The following DTNA variants were observed in gnomAD, a reference collection of about 807,000 sequenced individuals.
The protein encoded by DTNA is dystrophin-related protein 3.
A neutral mutation model predicts 100.7 loss-of-function variants in DTNA; 43 were observed. The observed-to-expected ratio is 0.43, with a 90% CI of 0.33 to 0.55. The LOEUF (loss-of-function observed/expected upper bound fraction) is 0.55, where lower values mean the gene tolerates loss of function less well. Among genes scored for constraint, DTNA ranks in the 20% least tolerant of loss-of-function variants. The pLI is 0.04. For synonymous variants in DTNA, 349 were observed against 347.9 expected (o/e 1.00, Z -0.04); for missense variants, 798 against 953.9 (o/e 0.84, Z 2.15).
intron 16 of DTNA, 62 bp downstream of exon 16, chr18:34,858,460 T>C (rs2096578325): frequency 1.9e-6 from 3 of 1,541,174 alleles, no homozygotes; most frequent in Non-Finnish European, 2.7e-6. Flanking sequence ...TGAGAAAGTC[T>C]AGCAGTGTCT....
chr18:34,848,659 G>A (rs551767666), intron 14 of DTNA, among the ~76,000 whole-genome samples: 82 of 152,188 alleles, frequency 5.4e-4, no homozygotes, highest in African/African-American at 1.9e-3. Flanking sequence ...CCCATATGAA[G>A]TCCCAAGGAA....
At chr18:34,671,330 C>G (rs1167352203) in intron 1 of DTNA, among the ~76,000 whole-genome samples, 1 of 152,162 alleles carries the variant, frequency 6.6e-6, no homozygotes, top group East Asian at 1.9e-4. Context: ...CTGTCTGTCA[C>G]AGATTTGCTT....
chr18:34,566,412 A>G (rs2047091131), intron 1 of DTNA, among the ~76,000 whole-genome samples: 1 of 152,256 alleles, frequency 6.6e-6, no homozygotes, highest in Non-Finnish European at 1.5e-5. Flanking sequence ...AAAATGGTAG[A>G]AAGTTTGACA....
At chr18:34,555,064 G>C (rs1161320828) in intron 1 of DTNA, among the ~76,000 whole-genome samples, 14 of 128,268 alleles carry the variant, frequency 1.1e-4, no homozygotes, top group Middle Eastern at 3.6e-3. Context: ...CCTGTTATTG[G>C]TCTATTCAGA....
chr18:34,829,643 A>G (rs2149576397), intron 11 of DTNA, among the ~76,000 whole-genome samples, 154 bp downstream of exon 11: 1 of 152,328 alleles, frequency 6.6e-6, no homozygotes, highest in South Asian at 2.1e-4. Flanking sequence ...AGACTTTTCA[A>G]CTTGAGCTGG....
intron 1 of DTNA, among the ~76,000 whole-genome samples, chr18:34,614,825 T>A (rs571901589): frequency 6.6e-6 from 1 of 152,172 alleles, no homozygotes; most frequent in Non-Finnish European, 1.5e-5. Flanking sequence ...CAAAAAGTAA[T>A]GTACAGTATT....
At chr18:34,627,975 G>C (rs111782280) in intron 1 of DTNA, among the ~76,000 whole-genome samples, 2,361 of 152,230 alleles carry the variant, frequency 0.016, 32 homozygotes, top group Non-Finnish European at 0.026. Flanking sequence ...TTGGGGGGTA[G>C]AGATGGGATC....
At chr18:34,874,263 A>G (rs1263121089) in intron 17 of DTNA, among the ~76,000 whole-genome samples, 1 of 152,198 alleles carries the variant, frequency 6.6e-6, no homozygotes, top group Non-Finnish European at 1.5e-5. Context: ...TCACTCTAGC[A>G]ACCACAGCAA....
chr18:34,667,337 G>A (rs1232438692), intron 1 of DTNA, among the ~76,000 whole-genome samples: 4 of 152,192 alleles, frequency 2.6e-5, no homozygotes, highest in Non-Finnish European at 5.9e-5. Flanking sequence ...AGACGATGGG[G>A]TTTTCTAGAT....
chr18:34,732,787 GAGTATTTTTTAGTGTA>G (rs2147377716), intron 1 of DTNA, among the ~76,000 whole-genome samples: 1 of 152,344 alleles, frequency 6.6e-6, no homozygotes, highest in African/African-American at 2.4e-5. Flanking sequence ...GATAAATGGT[GAGTATTTTTTAGTGTA>G]AGTGAGTCCT....
intron 2 of DTNA, among the ~76,000 whole-genome samples, chr18:34,757,531 A>T (rs1285635814): frequency 2.0e-5 from 3 of 152,228 alleles, no homozygotes; most frequent in African/African-American, 7.2e-5. Flanking sequence ...AAGAACTATA[A>T]AAGTATGCTT....
chr18:34,641,955 C>T lies in DTNA; in HGVS notation c.-1-114021C>T, dbSNP rs988413731. Among the ~76,000 whole-genome samples the T allele has an allele frequency of 4.6e-5, 7 of 152,274 alleles. 1 individual carries two copies. Among genetic ancestry groups the T allele is most frequent in the South Asian group, 4.2e-4 (2 of 4,816 alleles). On this transcript the variant is annotated intron_variant, in intron 1 of 19. Transcript: ENST00000283365. Reference sequence around the variant, plus strand: ...GTCACATAGAACAGTTATGGCACAGCATAACCCACCAAATAGGCATTAATA... The same window carrying T: ...GTCACATAGAACAGTTATGGCACAGTATAACCCACCAAATAGGCATTAATA...
intron 3 of DTNA, among the ~76,000 whole-genome samples, chr18:34,778,035 G>A (rs781505661): frequency 1.3e-5 from 2 of 152,164 alleles, no homozygotes; most frequent in African/African-American, 2.4e-5. Context: ...TGACTAGAAG[G>A]CCATGTGACA....
At chr18:34,580,901 T>C (rs1007461587) in intron 1 of DTNA, among the ~76,000 whole-genome samples, 2 of 152,134 alleles carry the variant, frequency 1.3e-5, no homozygotes, top group Non-Finnish European at 2.9e-5. Flanking sequence ...TCTCTGTGGT[T>C]GTGGGGCCTC....
intron 1 of DTNA, among the ~76,000 whole-genome samples, chr18:34,747,480 A>G (rs1045290666): frequency 2.0e-5 from 3 of 152,080 alleles, no homozygotes; most frequent in Admixed American, 6.6e-5. Flanking sequence ...GTAGTCATTT[A>G]TCCCTCACCT....
chr18:34,532,592 T>G (rs2043250548), intron 1 of DTNA, among the ~76,000 whole-genome samples: 1 of 152,030 alleles, frequency 6.6e-6, no homozygotes, highest in Non-Finnish European at 1.5e-5. Context: ...TATACTCTTG[T>G]CCCTAGTCCG....
chr18:34,547,342 C>A (rs969566333), intron 1 of DTNA, among the ~76,000 whole-genome samples: 5 of 152,042 alleles, frequency 3.3e-5, no homozygotes, highest in African/African-American at 1.2e-4. Flanking sequence ...CAGCTTCGTG[C>A]CTTCATTTCC....
intron 1 of DTNA, among the ~76,000 whole-genome samples, chr18:34,696,163 T>C (rs1055809757): frequency 6.6e-6 from 1 of 152,132 alleles, no homozygotes; most frequent in Admixed American, 6.5e-5. Context: ...AGCCCCAGGA[T>C]AAGATACCCC....
chr18:34,788,324 T>G (rs2094581417), intron 3 of DTNA, among the ~76,000 whole-genome samples: 1 of 152,234 alleles, frequency 6.6e-6, no homozygotes, highest in African/African-American at 2.4e-5. Context: ...TTATGTTACT[T>G]AAATTTCTCA....
Sources: gnomAD v4.1 joint callset for allele counts (sites outside exome capture counted in the v4.1 genomes callset) on GRCh38, gnomAD v4.1.1 for gene constraint, MANE v1.5 for transcripts, NCBI Gene and HGNC (gene_info 2026-07-23, HGNC 2026-07-21) for gene names.